PTPN11: variants seen among roughly 807,000 people sequenced by gnomAD.
PTPN11 encodes tyrosine-protein phosphatase non-receptor type 11.
PTPN11 carries 6 observed loss-of-function variants against 78.8 expected under a neutral mutation model. The observed-to-expected ratio is 0.08, with a 90% CI of 0.04 to 0.15. The LOEUF (loss-of-function observed/expected upper bound fraction) is 0.15, where lower values mean the gene tolerates loss of function less well. Among genes scored for constraint, PTPN11 ranks in the 10% least tolerant of loss-of-function variants. PTPN11 has a pLI of 1.00. For synonymous variants in PTPN11, 221 were observed against 263.5 expected (o/e 0.84, Z 1.56); for missense variants, 386 against 744.8 (o/e 0.52, Z 5.61).
At chr12:112,419,159 G>C (rs1435744435) in intron 1 of PTPN11, 34 bp downstream of exon 1, 1 of 1,488,978 alleles carries the variant, frequency 6.7e-7, no homozygotes, top group Non-Finnish European at 8.9e-7. Flanking sequence ...CGCGGGCCTC[G>C]GCCCGGCCAC....
chr12:112,493,517 T>G (rs557755949), intron 13 of PTPN11, among the ~76,000 whole-genome samples: 1 of 151,722 alleles, frequency 6.6e-6, no homozygotes, highest in Admixed American at 6.6e-5. Flanking sequence ...GCCTCCCAAG[T>G]AGCTGAGACT....
At chr12:112,427,167 A>G (rs2037630185) in intron 1 of PTPN11, among the ~76,000 whole-genome samples, 1 of 151,668 alleles carries the variant, frequency 6.6e-6, no homozygotes, top group Non-Finnish European at 1.5e-5. Context: ...AATTGCTTGA[A>G]CCTGGAAGGT....
At chr12:112,500,575 G>A (rs574578971) in intron 13 of PTPN11, among the ~76,000 whole-genome samples, 1 of 152,190 alleles carries the variant, frequency 6.6e-6, no homozygotes, top group East Asian at 1.9e-4. Flanking sequence ...GAGGCAAATA[G>A]TATCAGGCAA....
rs1253278427 is a variant in PTPN11, at chr12:112,482,620, T to C, written c.1224+415T>C. Among the ~76,000 whole-genome samples the C allele has an allele frequency of 6.6e-6, 1 of 152,168 alleles. No individual in the cohort carries two copies. Among genetic ancestry groups the C allele is most frequent in the Admixed American group, 6.5e-5 (1 of 15,276 alleles). ...AGGCCTCCGCAGGGGCCTATGTTGA[T>C]GGCCTCCTCTCCAAGTATCCACAGA... On this transcript the variant is annotated intron_variant, in intron 10 of 15. Coordinates refer to ENST00000351677, the MANE Select transcript of PTPN11 (RefSeq NM_002834.5). The surrounding 1 kb of genome is among the most constrained non-coding windows in gnomAD (Gnocchi z 4.4).
chr12:112,500,500 TC>T (rs2038861944), intron 13 of PTPN11, among the ~76,000 whole-genome samples: 1 of 152,238 alleles, frequency 6.6e-6, no homozygotes, highest in Non-Finnish European at 1.5e-5. Context: ...TGCAGCTTCT[TC>T]CCTACACTAT....
intron 1 of PTPN11, among the ~76,000 whole-genome samples, chr12:112,443,160 T>C (rs979487122): frequency 6.6e-6 from 1 of 151,654 alleles, no homozygotes; most frequent in African/African-American, 2.4e-5. Context: ...TCCTTATATC[T>C]CTTTCAAATT....
intron 2 of PTPN11, among the ~76,000 whole-genome samples, chr12:112,448,755 A>C (rs1023554421): frequency 2.6e-5 from 4 of 152,208 alleles, no homozygotes; most frequent in Non-Finnish European, 5.9e-5. Context: ...TAATATTTTA[A>C]AATGATATAT....
chr12:112,455,610 T>C lies in PTPN11; in HGVS notation c.643-340T>C, dbSNP rs11066313. On this transcript the variant is annotated intron_variant, in intron 5 of 15. Transcript: ENST00000351677. The stretch of plus-strand genomic sequence containing the variant: ...GTTACCTTTAGGTAACCTCACTTAT[T>C]CACTTTGGCATTGTTGCTATTTCAA... 0.022 allele frequency among the ~76,000 whole-genome samples: 3,404 copies of C among 152,256 alleles called. 66 individuals are homozygous for C. The highest frequency in any genetic ancestry group is 0.034 in the Non-Finnish European group (2,284 of 68,024).
chr12:112,481,135 A>C (rs972652345), intron 9 of PTPN11, among the ~76,000 whole-genome samples: 1 of 152,172 alleles, frequency 6.6e-6, no homozygotes, highest in Non-Finnish European at 1.5e-5. Context: ...TCAAAACCCC[A>C]TGGGCTGCCT....
chr12:112,442,297 G>A (rs539489801), intron 1 of PTPN11, among the ~76,000 whole-genome samples: 3 of 151,960 alleles, frequency 2.0e-5, no homozygotes, highest in African/African-American at 7.3e-5. Context: ...AAATGCTTGG[G>A]ACCAGAAGTG....
At chr12:112,469,040 G>C (rs928025716) in intron 6 of PTPN11, among the ~76,000 whole-genome samples, 1 of 152,070 alleles carries the variant, frequency 6.6e-6, no homozygotes. Flanking sequence ...TTCCAGCCTG[G>C]GTGAGAGAGC....
Position 112,486,937 on chromosome 12 carries a change from C to T in PTPN11, c.1379+308C>T, listed in dbSNP as rs116680276. Reference sequence around the variant, plus strand: ...ACTTCATCCTGGCTCTGCAGTTTCTCCTTATTCTTCATGATGTTTGCTTTG... The same window carrying T: ...ACTTCATCCTGGCTCTGCAGTTTCTTCTTATTCTTCATGATGTTTGCTTTG... On this transcript the variant is annotated intron_variant, in intron 11 of 15. Transcript: ENST00000351677. 7.2e-4 allele frequency: 968 copies of T among 1,340,286 alleles called. 4 individuals are homozygous for T. In the African/African-American group the frequency reaches 0.013, roughly 18 times the overall value. The allele number at this position is 1,340,286 out of a possible 1,614,324, so 83.0% of individuals were successfully genotyped here.
chr12:112,468,591 G>C (rs1473082535), intron 6 of PTPN11, among the ~76,000 whole-genome samples: 2 of 152,194 alleles, frequency 1.3e-5, no homozygotes, highest in Admixed American at 6.6e-5. Context: ...TGTGCTGTTA[G>C]CTATTATCAA....
At chr12:112,502,066 T>C in intron 13 of PTPN11, 78 bp from the exon 14 acceptor site, 1 of 1,172,600 alleles carries the variant, frequency 8.5e-7, no homozygotes, top group East Asian at 2.4e-5. Flanking sequence ...TTTCTTTTTT[T>C]GGGCAAAATA....
intron 1 of PTPN11, among the ~76,000 whole-genome samples, chr12:112,423,155 T>C (rs1039442870): frequency 4.6e-5 from 7 of 152,202 alleles, no homozygotes; most frequent in African/African-American, 1.7e-4. Flanking sequence ...TGTGTATATG[T>C]GACGCTCTTT....
chr12:112,505,601 G>A (rs1265173791), intron 15 of PTPN11, among the ~76,000 whole-genome samples: 10 of 146,168 alleles, frequency 6.8e-5, no homozygotes, highest in Non-Finnish European at 1.2e-4. Flanking sequence ...CGGTTGCAGT[G>A]TGCCAAGATC....
intron 6 of PTPN11, among the ~76,000 whole-genome samples, chr12:112,469,454 T>G (rs573464415): frequency 8.5e-5 from 13 of 152,286 alleles, no homozygotes; most frequent in Admixed American, 5.2e-4. Context: ...TCTGTTTACC[T>G]TCTATATACA....
chr12:112,491,381 TTCTC>T (rs1374857549), intron 13 of PTPN11, among the ~76,000 whole-genome samples: 1 of 152,160 alleles, frequency 6.6e-6, no homozygotes, highest in Non-Finnish European at 1.5e-5. Context: ...CATTCGTTTA[TTCTC>T]TCTGTTTAAA....
rs2038961173 is a variant in PTPN11, at chr12:112,508,324, T to A, written c.*2532T>A. ...GGCTTATCATGTGCTTGGTAAAAGG[T>A]GATCGCAGGTTCTCAGACGAGTTTA... On this transcript the variant is annotated 3_prime_UTR_variant, in exon 16 of 16. Coordinates refer to ENST00000351677, the MANE Select transcript of PTPN11 (RefSeq NM_002834.5). 6.6e-6 allele frequency: 1 copy of A among 152,318 alleles called. No individual in the cohort carries two copies. The highest frequency in any genetic ancestry group is 2.1e-4 in the South Asian group (1 of 4,822). The allele number at this position is 152,318 out of a possible 1,614,324, so 9.4% of individuals were successfully genotyped here. A position where few individuals can be genotyped will look rare whatever the true frequency, so the allele number is the denominator to read the frequency against.
Sources: allele counts gnomAD v4.1 joint callset (sites outside exome capture counted in the v4.1 genomes callset), GRCh38; gene constraint gnomAD v4.1.1; non-coding constraint Gnocchi (gnomAD v3.1); transcripts MANE v1.5; gene names NCBI Gene and HGNC (gene_info 2026-07-23, HGNC 2026-07-21).